The following PPP1R21 variants were observed in gnomAD, a reference collection of about 807,000 sequenced individuals.
The protein encoded by PPP1R21 is protein phosphatase 1 regulatory subunit 21, also known as KLRAQ motif containing 1.
Under a neutral mutation model 112.8 loss-of-function variants are expected in PPP1R21, and 85 were observed. The observed-to-expected ratio is 0.75, with a 90% CI of 0.63 to 0.90. PPP1R21 has a LOEUF of 0.90. Ranked by LOEUF, PPP1R21 falls within the 40% of genes least tolerant of loss-of-function variation. PPP1R21 has a pLI of 0.00. For missense variants in PPP1R21, 1,199 were observed against 901.5 expected (o/e 1.33, Z -4.23); for synonymous variants, 381 against 322.3 (o/e 1.18, Z -1.95).
chr2:48,514,659 G>T (rs575853120), intron 21 of PPP1R21, 56 bp from the exon 22 acceptor site: 6 of 1,296,594 alleles, frequency 4.6e-6, no homozygotes, highest in Non-Finnish European at 5.6e-6. Context: ...TATAAACTAT[G>T]TGAGTTATTT....
chr2:48,492,794 T>G (rs1669629485), intron 15 of PPP1R21, among the ~76,000 whole-genome samples: 1 of 152,166 alleles, frequency 6.6e-6, no homozygotes, highest in South Asian at 2.1e-4. Flanking sequence ...TTTTGGCATG[T>G]TTTTCCAGAC....
rs1193117019 is a variant in PPP1R21, at chr2:48,464,297, C to T, written c.695-640C>T. 5.9e-5 allele frequency among the ~76,000 whole-genome samples: 9 copies of T among 152,074 alleles called. No individual in the cohort carries two copies. In the East Asian group the frequency reaches 1.3e-3, roughly 23 times the overall value. ...TATTTTGGCACTGGGGTCATTCTGA[C>T]TGAGAACCTGGGCAGAGAAGGGCAG... On this transcript the variant is annotated intron_variant, in intron 7 of 21. Transcript: ENST00000294952.
Position 48,453,589 on chromosome 2 carries a change from A to G in PPP1R21, c.127-1006A>G, listed in dbSNP as rs189094494. On this transcript the variant is annotated intron_variant, in intron 2 of 21. Transcript: ENST00000294952. Reference sequence around the variant, plus strand: ...TCATAAGTAAAATATAGTTAGAATAATTCTTTTAAAAAAGAGTGAAACTAA... The same window carrying G: ...TCATAAGTAAAATATAGTTAGAATAGTTCTTTTAAAAAAGAGTGAAACTAA... 7.9e-5 allele frequency among the ~76,000 whole-genome samples: 12 copies of G among 152,342 alleles called. 1 individual carries two copies. In the East Asian group the frequency reaches 1.7e-3, roughly 22 times the overall value.
intron 3 of PPP1R21, among the ~76,000 whole-genome samples, chr2:48,456,224 T>C (rs1667720253): frequency 6.6e-6 from 1 of 151,674 alleles, no homozygotes; most frequent in African/African-American, 2.4e-5. Flanking sequence ...CTGGTACTTT[T>C]GAACATTGTG....
At position 48,462,883 on chromosome 2, in the gene PPP1R21, T is replaced by G. The variant is rs576272185; in HGVS notation, c.694+1651T>G. On this transcript the variant is annotated intron_variant, in intron 7 of 21. Transcript: ENST00000294952. ...GGCGTACTATTGTGGAGGCTTAGCC[T>G]GGATTGGGGAGATGTGGAAGATCTT... 2.0e-5 allele frequency among the ~76,000 whole-genome samples: 3 copies of G among 152,192 alleles called. No homozygotes were observed. In the East Asian group the frequency reaches 5.8e-4, roughly 29 times the overall value.
intron 11 of PPP1R21, among the ~76,000 whole-genome samples, chr2:48,474,352 G>A (rs1668653839): frequency 1.3e-5 from 2 of 152,142 alleles, no homozygotes; most frequent in South Asian, 4.1e-4. Flanking sequence ...CACTGTACTC[G>A]AATCTGGAGA....
chr2:48,475,690 A>T (rs1052916382), intron 12 of PPP1R21, among the ~76,000 whole-genome samples: 5 of 152,006 alleles, frequency 3.3e-5, no homozygotes, highest in Admixed American at 3.3e-4. Flanking sequence ...TCTACTAAAA[A>T]TACAAAATCA....
Position 48,471,288 on chromosome 2 carries a change from G to C in PPP1R21, c.1009G>C (p.Val337Leu), listed in dbSNP as rs1285554306. 4 of 1,611,478 alleles carry C rather than the reference G, an allele frequency of 2.5e-6. No homozygotes were observed. In the South Asian group the frequency reaches 4.4e-5, roughly 18 times the overall value. Residue 337 changes from valine to leucine, a missense_variant, in exon 11 of 22, where the codon GTG (valine) becomes CTG (leucine). By Grantham distance (32) the Val-to-Leu change is conservative. Transcript: ENST00000294952. Reference sequence around the variant, plus strand: ...TATTTTTCTTTTCCAGGAGACAACTGTGAAATTGAAAACTTTTTCAGAACA... The same window carrying C: ...TATTTTTCTTTTCCAGGAGACAACTCTGAAATTGAAAACTTTTTCAGAACA... ...EDTVTVLETT[V>L]KLKTFSEHLT...
At position 48,506,390 on chromosome 2, in the gene PPP1R21, G is replaced by A. The variant is rs1255115889; in HGVS notation, c.1968+794G>A. Reference sequence around the variant, plus strand: ...ATTACAGGCGTGAGCCACTGTGCCTGGCCACTTTAAGATGTAACTTTATAA... The same window carrying A: ...ATTACAGGCGTGAGCCACTGTGCCTAGCCACTTTAAGATGTAACTTTATAA... On this transcript the variant is annotated intron_variant, in intron 18 of 21. Transcript: ENST00000294952. Among the ~76,000 whole-genome samples the A allele has an allele frequency of 7.9e-5, 12 of 152,118 alleles. No individual in the cohort carries two copies. The East Asian group carries it at 2.3e-3, about 30-fold the overall frequency.
At chr2:48,476,066 C>T in intron 12 of PPP1R21, among the ~76,000 whole-genome samples, 1 of 152,066 alleles carries the variant, frequency 6.6e-6, no homozygotes, top group East Asian at 1.9e-4. Flanking sequence ...ACTTTTATCA[C>T]CCATAGAAGA....
At position 48,492,281 on chromosome 2, in the gene PPP1R21, A is replaced by G. The variant is rs552468132; in HGVS notation, c.1599+1111A>G. ...TTGAGCATTTATAAGCATGCAATCT[A>G]TAAACAAAGAATTTTTCTTCCTTCC... On this transcript the variant is annotated intron_variant, in intron 15 of 21. Transcript: ENST00000294952. 3.6e-4 allele frequency among the ~76,000 whole-genome samples: 55 copies of G among 152,312 alleles called. 1 individual carries two copies. Among genetic ancestry groups the G allele is most frequent in the African/African-American group, 1.3e-3 (52 of 41,564 alleles).
At position 48,469,445 on chromosome 2, in the gene PPP1R21, G is replaced by T. The variant is rs1323175312; in HGVS notation, c.898-1642G>T. On this transcript the variant is annotated intron_variant, in intron 9 of 21. Coordinates refer to ENST00000294952, the MANE Select transcript of PPP1R21 (RefSeq NM_001135629.3). The stretch of plus-strand genomic sequence containing the variant: ...TATATATAGAGCATATATATATATA[G>T]AGAGAGCATATATATATATAGAGCA... Among the ~76,000 whole-genome samples the T allele has an allele frequency of 2.2e-3, 171 of 77,518 alleles. 5 individuals are homozygous for T. The highest frequency in any genetic ancestry group is 3.3e-3 in the Non-Finnish European group (116 of 34,956). 50.9% of individuals were successfully genotyped at this position (77,518 alleles called of 152,430 possible). A position where few individuals can be genotyped will look rare whatever the true frequency, so the allele number is the denominator to read the frequency against.
At chr2:48,484,807 A>G (rs1164414865) in intron 13 of PPP1R21, among the ~76,000 whole-genome samples, 6 of 152,220 alleles carry the variant, frequency 3.9e-5, no homozygotes, top group Admixed American at 2.6e-4. Context: ...GAGCCACTGC[A>G]TCCTGCCAAG....
chr2:48,480,070 C>T, intron 13 of PPP1R21, 54 bp downstream of exon 13: 1 of 1,165,546 alleles, frequency 8.6e-7, no homozygotes, highest in Non-Finnish European at 1.3e-6. Context: ...TTTCTTCGAT[C>T]TGCCTGAATA....
At chr2:48,445,627 G>C (rs1417497743) in intron 1 of PPP1R21, among the ~76,000 whole-genome samples, 1 of 152,166 alleles carries the variant, frequency 6.6e-6, no homozygotes, top group African/African-American at 2.4e-5. Context: ...TTCCTGTTTA[G>C]TTTAACTGAT....
chr2:48,458,256 TA>T, intron 4 of PPP1R21, 29 bp downstream of exon 4: 3 of 1,452,290 alleles, frequency 2.1e-6, no homozygotes, highest in Non-Finnish European at 2.9e-6. Flanking sequence ...CTATGTGAAT[TA>T]AAAAATGGGT....
At chr2:48,446,175 GA>G (rs1448099646) in intron 1 of PPP1R21, among the ~76,000 whole-genome samples, 5 of 152,246 alleles carry the variant, frequency 3.3e-5, no homozygotes, top group Non-Finnish European at 7.3e-5. Flanking sequence ...GATTAGCTGA[GA>G]AAATGCATAT....
At chr2:48,499,003 A>G (rs947833762) in intron 17 of PPP1R21, among the ~76,000 whole-genome samples, 2 of 152,000 alleles carry the variant, frequency 1.3e-5, no homozygotes, top group African/African-American at 4.8e-5. Context: ...CTCACATGGC[A>G]GAAGGGTCAG....
chr2:48,484,297 G>A (rs899767253), intron 13 of PPP1R21, among the ~76,000 whole-genome samples: 2 of 152,064 alleles, frequency 1.3e-5, no homozygotes, highest in African/African-American at 4.8e-5. Flanking sequence ...TTTGGGGGTC[G>A]TGTTGCAAAT....
Sources: allele counts gnomAD v4.1 joint callset (sites outside exome capture counted in the v4.1 genomes callset), GRCh38; gene constraint gnomAD v4.1.1; transcripts MANE v1.5; gene names NCBI Gene and HGNC (gene_info 2026-07-23, HGNC 2026-07-21).